SHC3: variants seen among roughly 807,000 people sequenced by gnomAD.
SHC3 encodes the protein SHC-transforming protein 3.
Under a neutral mutation model 60.4 loss-of-function variants are expected in SHC3, and 15 were observed. The ratio of observed to expected loss-of-function variants is 0.25; its 90% CI spans 0.17 to 0.38. SHC3 has a LOEUF of 0.38. Ranked by LOEUF, SHC3 falls within the 10% of genes least tolerant of loss-of-function variation. The pLI is 1.00. For synonymous variants in SHC3, 294 were observed against 325.9 expected (o/e 0.90, Z 1.05); for missense variants, 677 against 786.1 (o/e 0.86, Z 1.66).
Position 89,046,979 on chromosome 9 carries a change from A to T in SHC3, c.978T>A (p.Asp326Glu). 2 of 1,593,618 alleles carry T rather than the reference A, an allele frequency of 1.3e-6. No homozygotes were observed. The highest frequency in any genetic ancestry group is 1.7e-6 in the Non-Finnish European group (2 of 1,171,632). ...PALHDRMQSL[D>E]EPWTEEEGDG... Reference sequence around the variant, plus strand: ...CTCCCTCCTCTTCCGTCCATGGCTCATCCAGACTCTGCATTCTGTTAAAGG... The same window carrying T: ...CTCCCTCCTCTTCCGTCCATGGCTCTTCCAGACTCTGCATTCTGTTAAAGG... The change falls in exon 8 of 12, where the codon GAT (aspartate) becomes GAA (glutamate). Residue 326 changes from aspartate to glutamate, a missense_variant. Asp to Glu is a conservative substitution (Grantham distance 45). Coordinates refer to ENST00000375835, the MANE Select transcript of SHC3 (RefSeq NM_016848.6).
intron 6 of SHC3, among the ~76,000 whole-genome samples, chr9:89,057,315 CT>C (rs10606274): frequency 0.42 from 55,953 of 133,298 alleles, 13,113 homozygotes; most frequent in East Asian, 0.96. Context: ...TTTCCTTTTT[CT>C]TTTTTTTTTT....
chr9:89,100,559 C>T (rs746273952), intron 2 of SHC3, among the ~76,000 whole-genome samples: 27 of 152,116 alleles, frequency 1.8e-4, no homozygotes, highest in Non-Finnish European at 2.8e-4. Context: ...CATATAGTCA[C>T]GTAACTATCA....
chr9:89,075,524 T>C (rs181812326), intron 3 of SHC3, among the ~76,000 whole-genome samples: 2 of 152,208 alleles, frequency 1.3e-5, no homozygotes, highest in Admixed American at 6.5e-5. Flanking sequence ...TGTTGGGAAG[T>C]GTCTCATGGA....
Position 89,136,723 on chromosome 9 carries a change from T to TA in SHC3, c.475-24098dup, listed in dbSNP as rs1826325128. On this transcript the variant is annotated intron_variant, in intron 1 of 11. Transcript: ENST00000375835. ...TATTCTTTCACTTTCTTAATAAACT[T>TA]ACTTTCATTTTACTCTATGGATTTG... Among the ~76,000 whole-genome samples, 3 of 152,338 alleles carry TA rather than the reference T, an allele frequency of 2.0e-5. No homozygotes were observed. The South Asian group carries it at 6.2e-4, about 32-fold the overall frequency.
Position 89,042,057 on chromosome 9 carries a change from C to A in SHC3, c.1329G>T (p.Glu443Asp). 6.2e-7 allele frequency: 1 copy of A among 1,611,434 alleles called. No homozygotes were observed. Among genetic ancestry groups the A allele is most frequent in the South Asian group, 1.1e-5 (1 of 90,404 alleles). The change falls in exon 10 of 12, where the codon GAG becomes GAT. Residue 443 changes from glutamate to aspartate, a missense_variant. Coordinates refer to ENST00000375835, the MANE Select transcript of SHC3 (RefSeq NM_016848.6). ...QAWPAAVSSA[E>D]SSPRKDLFDM... ...CAAAGAGGTCTTTCCTTGGGCTGCT[C>A]TCAGCACTGCTGACCGCAGCCGGCC...
intron 11 of SHC3, chr9:89,037,440 G>A: frequency 2.9e-6 from 2 of 684,742 alleles, no homozygotes; most frequent in Non-Finnish European, 2.7e-6. Context: ...TTCTTGACGG[G>A]AAGATGAAAA....
Position 89,105,440 on chromosome 9 carries a change from C to T in SHC3, c.545+7116G>A, listed in dbSNP as rs539629512. Among the ~76,000 whole-genome samples, 12 of 152,316 alleles carry T rather than the reference C, an allele frequency of 7.9e-5. No individual in the cohort carries two copies. In the South Asian group the frequency reaches 2.3e-3, roughly 29 times the overall value. On this transcript the variant is annotated intron_variant, in intron 2 of 11. Coordinates refer to ENST00000375835, the MANE Select transcript of SHC3 (RefSeq NM_016848.6). ...AGACCACACACACCCTCATCGCTAT[C>T]TGAAATTACCGTGCTGAACTATATA...
At chr9:89,037,577 T>C in intron 11 of SHC3, 1 of 711,288 alleles carries the variant, frequency 1.4e-6, no homozygotes, top group South Asian at 1.5e-5. Flanking sequence ...TTACTGATCA[T>C]CACATTTTAC....
At chr9:89,067,448 C>T (rs1324520107) in intron 5 of SHC3, among the ~76,000 whole-genome samples, 1 of 152,218 alleles carries the variant, frequency 6.6e-6, no homozygotes, top group Non-Finnish European at 1.5e-5. Context: ...TAGGTGACCA[C>T]TGTGTTATCA....
intron 2 of SHC3, among the ~76,000 whole-genome samples, chr9:89,102,103 G>A (rs1164368125): frequency 6.6e-6 from 1 of 151,764 alleles, no homozygotes; most frequent in Non-Finnish European, 1.5e-5. Context: ...AAATTCATTA[G>A]CATCAAGTTT....
chr9:89,053,101 T>C (rs1824887721), intron 6 of SHC3, among the ~76,000 whole-genome samples: 2 of 152,190 alleles, frequency 1.3e-5, no homozygotes, highest in East Asian at 1.9e-4. Context: ...CGTCCACATG[T>C]CCCTCCTGAA....
At chr9:89,155,525 T>G (rs1375183126) in intron 1 of SHC3, among the ~76,000 whole-genome samples, 1 of 152,036 alleles carries the variant, frequency 6.6e-6, no homozygotes, top group African/African-American at 2.4e-5. Context: ...CTCCATTCCA[T>G]ATGGAATGTC....
intron 1 of SHC3, among the ~76,000 whole-genome samples, chr9:89,151,014 GT>G (rs1260159825): frequency 1.9e-5 from 2 of 102,644 alleles, no homozygotes; most frequent in Admixed American, 1.1e-4. Context: ...CCATCTGCAT[GT>G]CTTTTTTTTT....
At chr9:89,028,811 C>T (rs1824419916) in intron 11 of SHC3, among the ~76,000 whole-genome samples, 1 of 144,780 alleles carries the variant, frequency 6.9e-6, no homozygotes, top group African/African-American at 2.5e-5. Context: ...TCATCTATAT[C>T]TATATATAGC....
chr9:89,082,931 G>A (rs754266941), intron 2 of SHC3, among the ~76,000 whole-genome samples: 12 of 152,268 alleles, frequency 7.9e-5, no homozygotes, highest in Middle Eastern at 3.4e-3. Flanking sequence ...TGTTAGCTCC[G>A]CTTCAGTGTC....
intron 11 of SHC3, among the ~76,000 whole-genome samples, chr9:89,014,049 C>T (rs1826054642): frequency 6.6e-6 from 1 of 152,170 alleles, no homozygotes; most frequent in African/African-American, 2.4e-5. Flanking sequence ...AATGCCAGCA[C>T]CTCCAGGCAG....
chr9:89,107,621 G>C (rs569694559), intron 2 of SHC3, among the ~76,000 whole-genome samples: 1 of 152,226 alleles, frequency 6.6e-6, no homozygotes, highest in East Asian at 1.9e-4. Flanking sequence ...GCTGAGAGAG[G>C]CTTGGCCATG....
At chr9:89,149,726 A>C (rs1296109872) in intron 1 of SHC3, among the ~76,000 whole-genome samples, 2 of 152,236 alleles carry the variant, frequency 1.3e-5, no homozygotes, top group Non-Finnish European at 2.9e-5. Context: ...AGTGATTTTG[A>C]GTATACAGTA....
At position 89,045,728 on chromosome 9, in the gene SHC3, TC is replaced by T. The variant is rs759099535; in HGVS notation, c.1201+17del. ...AAGTGTCTTTTGTGTTTCTCACCCA[TC>T]TCACCTTGCCTCTCACCTTGCCTTA... On this transcript the variant is annotated intron_variant, in intron 9 of 11. Transcript: ENST00000375835. 1.3e-5 allele frequency: 21 copies of T among 1,612,470 alleles called. No homozygotes were observed. In the African/African-American group the frequency reaches 2.8e-4, roughly 22 times the overall value.
Sources: gnomAD v4.1 joint callset for allele counts (sites outside exome capture counted in the v4.1 genomes callset) on GRCh38, gnomAD v4.1.1 for gene constraint, MANE v1.5 for transcripts, NCBI Gene and HGNC (gene_info 2026-07-23, HGNC 2026-07-21) for gene names.